The following ZNF618 variants were observed in gnomAD, a reference collection of about 807,000 sequenced individuals.
The protein encoded by ZNF618 is neural precursor cell expressed, developmentally down-regulated 10.
ZNF618 carries 34 observed loss-of-function variants against 103.0 expected under a neutral mutation model. That is an observed-to-expected ratio of 0.33 (90% CI 0.25 to 0.44). ZNF618 has a LOEUF of 0.44. ZNF618 is among the 20% of genes least tolerant of loss of function. ZNF618 has a pLI of 1.00. For missense variants in ZNF618, 1,059 were observed against 1,295.4 expected (o/e 0.82, Z 2.80); for synonymous variants, 551 against 542.2 (o/e 1.02, Z -0.23).
At chr9:113,935,247 CT>C (rs1257368951) in intron 1 of ZNF618, among the ~76,000 whole-genome samples, 6 of 152,208 alleles carry the variant, frequency 3.9e-5, no homozygotes, top group Non-Finnish European at 8.8e-5. Flanking sequence ...GGTAGTGCCC[CT>C]GTGGGAGCAG....
chr9:113,984,765 T>A (rs2133211196), intron 2 of ZNF618, among the ~76,000 whole-genome samples: 1 of 152,330 alleles, frequency 6.6e-6, no homozygotes, highest in East Asian at 1.9e-4. Context: ...TTAGCACCCA[T>A]GAGGTCTTAG....
chr9:113,941,856 G>A (rs1348010619), intron 1 of ZNF618, among the ~76,000 whole-genome samples: 1 of 152,178 alleles, frequency 6.6e-6, no homozygotes, highest in African/African-American at 2.4e-5. Context: ...GCCATGCAGA[G>A]CTGAGTGAAT....
At chr9:113,902,681 G>A (rs1830665612) in intron 1 of ZNF618, among the ~76,000 whole-genome samples, 1 of 152,166 alleles carries the variant, frequency 6.6e-6, no homozygotes, top group Non-Finnish European at 1.5e-5. Flanking sequence ...CCAGCTGCTT[G>A]GTGCAGCCAC....
At chr9:113,957,863 C>T (rs1836458808) in intron 1 of ZNF618, among the ~76,000 whole-genome samples, 2 of 150,176 alleles carry the variant, frequency 1.3e-5, no homozygotes, top group East Asian at 2.0e-4. Context: ...GAATATTTAT[C>T]ACATATTTAA....
chr9:113,952,054 C>A (rs1374021136), intron 1 of ZNF618, among the ~76,000 whole-genome samples: 1 of 152,014 alleles, frequency 6.6e-6, no homozygotes, highest in Non-Finnish European at 1.5e-5. Flanking sequence ...GTGGACGGGG[C>A]GTTTCATTAA....
At chr9:113,945,062 A>C (rs746575166) in intron 1 of ZNF618, among the ~76,000 whole-genome samples, 1 of 152,118 alleles carries the variant, frequency 6.6e-6, no homozygotes, top group Non-Finnish European at 1.5e-5. Flanking sequence ...GGGTGAATCT[A>C]CCAGCCCAGT....
chr9:114,045,549 A>G (rs190345951), intron 13 of ZNF618, among the ~76,000 whole-genome samples: 190 of 151,972 alleles, frequency 1.3e-3, no homozygotes, highest in Non-Finnish European at 2.4e-3. Context: ...GCTTATTTCT[A>G]TATTTCCAGT....
chr9:114,035,459 C>T (rs1336549485), intron 12 of ZNF618, among the ~76,000 whole-genome samples: 1 of 152,238 alleles, frequency 6.6e-6, no homozygotes, highest in Non-Finnish European at 1.5e-5. Flanking sequence ...AGCCTTGGCT[C>T]TGCTGCCCCA....
intron 9 of ZNF618, among the ~76,000 whole-genome samples, chr9:114,013,453 CAG>C (rs1199059936): frequency 6.6e-6 from 1 of 152,038 alleles, no homozygotes; most frequent in Non-Finnish European, 1.5e-5. Context: ...TTTTTTGAGA[CAG>C]AGTCTCACTC....
chr9:113,969,827 C>T (rs545987522), intron 2 of ZNF618, among the ~76,000 whole-genome samples: 45 of 152,264 alleles, frequency 3.0e-4, no homozygotes, highest in African/African-American at 7.9e-4. Context: ...AAGGCTGGAA[C>T]GGCCACATGA....
chr9:114,016,232 G>A, intron 9 of ZNF618: 3 of 1,464,664 alleles, frequency 2.0e-6, no homozygotes, highest in Non-Finnish European at 2.9e-6. Context: ...CTAGTGGGTG[G>A]GGGGTGCTTG....
chr9:113,961,420 C>G (rs771888424), intron 1 of ZNF618, among the ~76,000 whole-genome samples: 1 of 152,260 alleles, frequency 6.6e-6, no homozygotes, highest in Non-Finnish European at 1.5e-5. Context: ...AGGTCTGATT[C>G]ATCTTCGTAT....
At chr9:113,913,226 TC>T (rs1218750765) in intron 1 of ZNF618, among the ~76,000 whole-genome samples, 1 of 152,034 alleles carries the variant, frequency 6.6e-6, no homozygotes, top group Non-Finnish European at 1.5e-5. Flanking sequence ...GAGGTGGTAT[TC>T]CCCCCTTTTA....
At chr9:113,966,513 T>TGGAA (rs1190903452) in intron 1 of ZNF618, among the ~76,000 whole-genome samples, 10 of 152,194 alleles carry the variant, frequency 6.6e-5, no homozygotes, top group Non-Finnish European at 1.2e-4. Flanking sequence ...TTAATCCACT[T>TGGAA]GGAAGGAATG....
At chr9:113,965,658 T>G (rs1195890244) in intron 1 of ZNF618, among the ~76,000 whole-genome samples, 2 of 152,104 alleles carry the variant, frequency 1.3e-5, no homozygotes, top group African/African-American at 4.8e-5. Context: ...AACCTCCTTC[T>G]CCGCCCCCAT....
Position 113,992,080 on chromosome 9 carries a change from T to C in ZNF618, c.337+3500T>C, listed in dbSNP as rs1840118873. Among the ~76,000 whole-genome samples the C allele has an allele frequency of 2.0e-5, 3 of 152,178 alleles. No individual in the cohort carries two copies. The South Asian group carries it at 6.2e-4, about 32-fold the overall frequency. ...AAAATCAGTGTTAGAGTTGAACCTT[T>C]TGGACTCCTCTCATCTCAAGATGGC... On this transcript the variant is annotated intron_variant, in intron 3 of 14. Transcript: ENST00000374126.
At chr9:113,957,456 CAACCTCATTGAACAGATGGGT>C (rs1373259052) in intron 1 of ZNF618, among the ~76,000 whole-genome samples, 3 of 152,206 alleles carry the variant, frequency 2.0e-5, no homozygotes, top group East Asian at 1.9e-4. Context: ...ATCAGTCCAG[CAACCTCATTGAACAGATGGGT>C]AGTCTGAGGG....
chr9:114,038,654 G>C (rs771238861), intron 13 of ZNF618, among the ~76,000 whole-genome samples: 15 of 152,210 alleles, frequency 9.9e-5, no homozygotes, highest in Non-Finnish European at 1.9e-4. Flanking sequence ...GGCGTGCCTT[G>C]GTGACGTTGG....
intron 1 of ZNF618, among the ~76,000 whole-genome samples, chr9:113,883,529 T>C (rs1828727730): frequency 1.3e-5 from 2 of 152,164 alleles, no homozygotes; most frequent in South Asian, 4.1e-4. Flanking sequence ...TCCTTCAACT[T>C]GAAGCACCTA....
Sources: allele counts gnomAD v4.1 joint callset (sites outside exome capture counted in the v4.1 genomes callset), GRCh38; gene constraint gnomAD v4.1.1; transcripts MANE v1.5; gene names NCBI Gene and HGNC (gene_info 2026-07-23, HGNC 2026-07-21).